The following WDFY4 variants were observed in gnomAD, a reference collection of about 807,000 sequenced individuals.
WDFY4 encodes the protein WD repeat- and FYVE domain-containing protein 4.
In WDFY4, 169 loss-of-function variants were observed where a neutral mutation model predicts 351.9. That is an observed-to-expected ratio of 0.48 (90% CI 0.42 to 0.55). The LOEUF (loss-of-function observed/expected upper bound fraction) is 0.55. Ranked by LOEUF, WDFY4 falls within the 20% of genes least tolerant of loss-of-function variation. The pLI, the probability that WDFY4 is intolerant of heterozygous loss-of-function variation, is 0.00. For missense variants in WDFY4, 3,803 were observed against 3,935.6 expected, an observed-to-expected ratio of 0.97 and a Z score of 0.90; for synonymous variants, 1,622 against 1,574.6, an observed-to-expected ratio of 1.03 and a Z score of -0.71.
intron 1 of WDFY4, among the ~76,000 whole-genome samples, chr10:48,701,570 G>A (rs900249065): frequency 6.6e-6 from 1 of 152,236 alleles, no homozygotes; most frequent in Admixed American, 6.5e-5. Flanking sequence ...CGTGGAGGCT[G>A]AGGCCAAGGA....
At chr10:48,710,051 T>A in intron 2 of WDFY4, 85 bp downstream of exon 2, 1 of 1,275,384 alleles carries the variant, frequency 7.8e-7, no homozygotes, top group Non-Finnish European at 1.1e-6. Flanking sequence ...TTGATGGTTT[T>A]AATGTCATCC....
intron 47 of WDFY4, among the ~76,000 whole-genome samples, chr10:48,915,967 T>A (rs1055454440): frequency 6.6e-6 from 1 of 152,176 alleles, no homozygotes; most frequent in Non-Finnish European, 1.5e-5. Context: ...AGAAACCAGA[T>A]AGGATAAAAC....
At chr10:48,803,425 C>G (rs2067150060) in intron 25 of WDFY4, 66 bp downstream of exon 25, 1 of 1,486,668 alleles carries the variant, frequency 6.7e-7, no homozygotes, top group Non-Finnish European at 9.2e-7. Context: ...AGAGACAGGG[C>G]AGGGTGGCCA....
chr10:48,832,436 A>G, intron 38 of WDFY4, 137 bp from the exon 39 acceptor site: 4 of 1,052,148 alleles, frequency 3.8e-6, no homozygotes, highest in Non-Finnish European at 5.2e-6. Flanking sequence ...GTGAGCTTGT[A>G]GCCTGGGTTG....
At chr10:48,915,725 T>C (rs1158299538) in intron 47 of WDFY4, among the ~76,000 whole-genome samples, 1 of 152,196 alleles carries the variant, frequency 6.6e-6, no homozygotes, top group Non-Finnish European at 1.5e-5. Flanking sequence ...CAGAGGGTCC[T>C]ACCCTGCGAA....
At chr10:48,791,313 G>A (rs1462109421) in intron 23 of WDFY4, among the ~76,000 whole-genome samples, 1 of 152,228 alleles carries the variant, frequency 6.6e-6, no homozygotes, top group Non-Finnish European at 1.5e-5. Flanking sequence ...TCCTCTGCCT[G>A]TTTCCCCACC....
chr10:48,792,966 G>A (rs574868379), intron 23 of WDFY4, among the ~76,000 whole-genome samples: 37 of 152,278 alleles, frequency 2.4e-4, no homozygotes, highest in African/African-American at 7.2e-4. Context: ...GGTACATAGC[G>A]CCTGCTGTCA....
chr10:48,890,514 T>C, intron 43 of WDFY4, 65 bp from the exon 44 acceptor site: 1 of 1,544,796 alleles, frequency 6.5e-7, no homozygotes, highest in Non-Finnish European at 8.8e-7. Flanking sequence ...TACCCTCCTG[T>C]TTCCCCCAAG....
At chr10:48,958,932 C>T (rs180815934) in intron 52 of WDFY4, among the ~76,000 whole-genome samples, 17 of 152,290 alleles carry the variant, frequency 1.1e-4, no homozygotes, top group Admixed American at 9.8e-4. Flanking sequence ...ATTCCAGCTG[C>T]TTCTTGCAGG....
In WDFY4 at chr10:48,805,244, C is replaced by G. The variant is rs1489246698; in HGVS notation, c.4485-16C>G. The G allele has an allele frequency of 1.3e-6, 2 of 1,539,858 alleles. No homozygotes were observed. Among genetic ancestry groups the G allele is most frequent in the African/African-American group, 2.7e-5 (2 of 73,036 alleles). ...TCCAGTAAAAGCTTTTACTGTCTCT[C>G]TCCTGTACTCACCAGGGAAGGACCC... On this transcript the variant is annotated splice_polypyrimidine_tract_variant and intron_variant, in intron 25 of 61. Transcript: ENST00000325239.
At chr10:48,887,864 G>A (rs1338385250) in intron 43 of WDFY4, among the ~76,000 whole-genome samples, 1 of 152,122 alleles carries the variant, frequency 6.6e-6, no homozygotes, top group Non-Finnish European at 1.5e-5. Context: ...AGCATTGCCT[G>A]TTATGTCAAA....
At chr10:48,893,077 C>G (rs1301156353) in intron 44 of WDFY4, among the ~76,000 whole-genome samples, 2 of 152,220 alleles carry the variant, frequency 1.3e-5, no homozygotes, top group Non-Finnish European at 2.9e-5. Context: ...TCTGACTGCT[C>G]TAGGGAAGCC....
chr10:48,760,228 G>T (rs2065460393), intron 12 of WDFY4, 119 bp from the exon 13 acceptor site: 1 of 868,886 alleles, frequency 1.2e-6, no homozygotes, highest in Non-Finnish European at 1.8e-6. Context: ...TGTCATCTAG[G>T]TAATAAGACA....
At chr10:48,847,680 C>T (rs1296682371) in intron 39 of WDFY4, among the ~76,000 whole-genome samples, 19 of 152,174 alleles carry the variant, frequency 1.2e-4, no homozygotes, top group Admixed American at 1.2e-3. Context: ...CTGACACCCA[C>T]AAAGGAAAGC....
chr10:48,773,057 C>G (rs779728386), intron 13 of WDFY4, among the ~76,000 whole-genome samples: 2 of 152,192 alleles, frequency 1.3e-5, no homozygotes, highest in Admixed American at 6.5e-5. Context: ...CTCATCATCA[C>G]TGGCCATCAG....
At position 48,963,920 on chromosome 10, in the gene WDFY4, G is replaced by A. The variant is rs763497844; in HGVS notation, c.8302G>A (p.Ala2768Thr). ...LIFGYKQQGP[A>T]AVDAVNIFHP... ...TTTTGGGTACAAGCAGCAGGGGCCA[G>A]CCGCAGTGGATGCTGTTAATATCTT... Residue 2768 changes from alanine (A) to threonine (T), a missense_variant, in exon 54 of 62, where the codon GCC (alanine) becomes ACC (threonine). Transcript: ENST00000325239. 4 of 1,551,434 alleles carry A rather than the reference G, an allele frequency of 2.6e-6. No homozygotes were observed. The African/African-American group carries it at 5.5e-5, about 21-fold the overall frequency.
intron 47 of WDFY4, among the ~76,000 whole-genome samples, chr10:48,911,819 A>C (rs1041187508): frequency 1.3e-5 from 2 of 152,252 alleles, no homozygotes; most frequent in Non-Finnish European, 2.9e-5. Context: ...AAAGGGAAAA[A>C]CTAAAATGAA....
At position 48,720,099 on chromosome 10, in the gene WDFY4, A is replaced by T. The variant is rs1370303777; in HGVS notation, c.323A>T (p.Gln108Leu). 6.4e-7 allele frequency: 1 copy of T among 1,551,888 alleles called. No individual in the cohort carries two copies. The highest frequency in any genetic ancestry group is 8.7e-7 in the Non-Finnish European group (1 of 1,147,022). Residue 108 changes from glutamine to leucine, a missense_variant, in exon 3 of 62, where the codon CAG becomes CTG. By Grantham distance (113) the Gln-to-Leu change is moderately radical. Around this residue, in one of 3 missense-constraint regions of WDFY4, gnomAD observed 488 missense variants for 456.8 expected, o/e 1.07. Coordinates refer to ENST00000325239, the MANE Select transcript of WDFY4 (RefSeq NM_001394531.1). ...DVSDQLAQQL[Q>L]KALVGKPAEQ... ...TCTGACCAGCTTGCCCAGCAACTCC[A>T]GAAGGCCCTTGTGGGGAAGCCTGCG...
chr10:48,876,224 G>T (rs35193987), intron 42 of WDFY4, among the ~76,000 whole-genome samples: 15,180 of 152,254 alleles, frequency 0.1, 935 homozygotes, highest in Middle Eastern at 0.21. Flanking sequence ...GAGGGTTTGC[G>T]TGAGCAGCAG....
Sources: gnomAD v4.1 joint callset for allele counts (sites outside exome capture counted in the v4.1 genomes callset) on GRCh38, gnomAD v4.1.1 for gene constraint, gnomAD v4.1.1 regional missense constraint, MANE v1.5 for transcripts, NCBI Gene and HGNC (gene_info 2026-07-23, HGNC 2026-07-21) for gene names.